Variants in BLTP1 observed in about 807,000 individuals in gnomAD.
BLTP1 encodes the protein bridge-like lipid transfer protein family member 1.
the BLTP1 span, chr4:122,245,176 G>A: frequency 9.2e-5 from 142 of 1,538,140 alleles, no homozygotes; most frequent in Non-Finnish European, 1.2e-4. Flanking sequence ...ATAGCAAATT[G>A]AATATTTATC....
At chr4:122,254,754 G>T in the BLTP1 span, 8 of 1,441,524 alleles carry the variant, frequency 5.5e-6, no homozygotes, top group Non-Finnish European at 7.3e-6. Context: ...AGATTGTTTG[G>T]AATACAAATT....
At chr4:122,242,979 A>G in the BLTP1 span, 28 of 1,394,460 alleles carry the variant, frequency 2.0e-5, no homozygotes, top group Non-Finnish European at 2.7e-5. Context: ...AATCTAGACT[A>G]TAGTATTTTA....
At chr4:122,152,361 T>C in the BLTP1 span, 1 of 985,790 alleles carries the variant, frequency 1.0e-6, no homozygotes, top group Non-Finnish European at 1.2e-6. Context: ...TTGGGACCCC[T>C]CCCCTCCTCC....
At chr4:122,195,359 A>AACTGTTTT in the BLTP1 span, among the ~76,000 whole-genome samples, 1 of 152,154 alleles carries the variant, frequency 6.6e-6, no homozygotes, top group Non-Finnish European at 1.5e-5. Context: ...TTGAAATACA[A>AACTGTTTT]ACTGTTTTAC....
the BLTP1 span, among the ~76,000 whole-genome samples, chr4:122,266,283 C>A: frequency 6.6e-6 from 1 of 152,156 alleles, no homozygotes; most frequent in Non-Finnish European, 1.5e-5. Context: ...AAAGGAAGTT[C>A]TCTGAAGATA....
the BLTP1 span, chr4:122,347,690 C>T: frequency 1.2e-6 from 2 of 1,613,650 alleles, no homozygotes; most frequent in Non-Finnish European, 1.7e-6. Flanking sequence ...ACAAACAGCA[C>T]CATGTCACCA....
At chr4:122,185,570 G>C in the BLTP1 span, 3 of 421,096 alleles carry the variant, frequency 7.1e-6, no homozygotes, top group African/African-American at 6.5e-5. Flanking sequence ...CTATGTTTTA[G>C]TGTTGTGTAT....
the BLTP1 span, chr4:122,301,432 T>G: frequency 7.5e-7 from 1 of 1,325,690 alleles, no homozygotes; most frequent in East Asian, 2.6e-5. Context: ...TATAAAAATT[T>G]TTCTAATCAA....
chr4:122,290,273 T>C, the BLTP1 span, among the ~76,000 whole-genome samples: 1 of 152,138 alleles, frequency 6.6e-6, no homozygotes, highest in Non-Finnish European at 1.5e-5. Context: ...TTTCCAAAAA[T>C]GGTTGACTAG....
the BLTP1 span, among the ~76,000 whole-genome samples, chr4:122,268,111 A>G: frequency 2.0e-5 from 3 of 152,184 alleles, no homozygotes; most frequent in Non-Finnish European, 2.9e-5. Context: ...GGTGAAAAAA[A>G]TTACTTTTGT....
chr4:122,193,129 A>G, the BLTP1 span, among the ~76,000 whole-genome samples: 26 of 152,126 alleles, frequency 1.7e-4, no homozygotes, highest in Admixed American at 1.6e-3. Context: ...GACAGCATAC[A>G]CTAATGACTT....
chr4:122,220,478 G>A, the BLTP1 span: 1 of 1,602,732 alleles, frequency 6.2e-7, no homozygotes, highest in Non-Finnish European at 8.5e-7. Context: ...CAGGTAAGGT[G>A]AAAATGAAAT....
At chr4:122,204,430 A>G in the BLTP1 span, 6 of 808,564 alleles carry the variant, frequency 7.4e-6, no homozygotes, top group Non-Finnish European at 9.0e-6. Context: ...AAAATAGGGT[A>G]GCTGTTATTA....
the BLTP1 span, chr4:122,316,705 T>C: frequency 6.3e-7 from 1 of 1,594,046 alleles, no homozygotes; most frequent in Non-Finnish European, 8.5e-7. Flanking sequence ...GAGGGTGGTA[T>C]TGACAGATAC....
chr4:122,160,716 A>G, the BLTP1 span, among the ~76,000 whole-genome samples: 2 of 152,098 alleles, frequency 1.3e-5, no homozygotes, highest in Non-Finnish European at 2.9e-5. Context: ...TCTGATTTGT[A>G]TTTTACTTTT....
the BLTP1 span, chr4:122,248,066 T>G: frequency 1.0e-6 from 1 of 985,234 alleles, no homozygotes; most frequent in Non-Finnish European, 1.2e-6. Flanking sequence ...TTCTGAAGTT[T>G]CCATGATTCC....
At chr4:122,208,624 G>A in the BLTP1 span, 6 of 983,868 alleles carry the variant, frequency 6.1e-6, no homozygotes, top group Non-Finnish European at 7.2e-6. Flanking sequence ...ACCCATGGAA[G>A]ACATTCTTTT....
At chr4:122,203,375 T>A in the BLTP1 span, among the ~76,000 whole-genome samples, 1 of 151,130 alleles carries the variant, frequency 6.6e-6, no homozygotes, top group Non-Finnish European at 1.5e-5. Context: ...TAACTTAGAT[T>A]TACTCTGATA....
chr4:122,320,494 T>TAG, the BLTP1 span, among the ~76,000 whole-genome samples: 1 of 152,148 alleles, frequency 6.6e-6, no homozygotes, highest in Non-Finnish European at 1.5e-5. Flanking sequence ...TGTTATTTGT[T>TAG]CTTGAAGACT....
Sources: gnomAD v4.1 joint callset for allele counts (sites outside exome capture counted in the v4.1 genomes callset) on GRCh38, gnomAD v4.1.1 for gene constraint, MANE v1.5 for transcripts, NCBI Gene and HGNC (gene_info 2026-07-23, HGNC 2026-07-21) for gene names.